The following HAVCR1 variants were observed in gnomAD, a reference collection of about 807,000 sequenced individuals.
HAVCR1 encodes hepatitis A virus cellular receptor 1.
Under a neutral mutation model 32.0 loss-of-function variants are expected in HAVCR1, and 34 were observed. The ratio of observed to expected loss-of-function variants is 1.06; its 90% CI spans 0.81 to 1.42. The LOEUF (loss-of-function observed/expected upper bound fraction) is 1.42, where lower values mean the gene tolerates loss of function less well. Ranked by LOEUF, HAVCR1 falls within the 40% of genes most tolerant of loss-of-function variation. The pLI is 0.00. For synonymous variants in HAVCR1, 178 were observed against 170.3 expected (o/e 1.05, Z -0.35); for missense variants, 420 against 442.3 (o/e 0.95, Z 0.45).
At chr5:157,047,351 A>G (rs375178448) in intron 5 of HAVCR1, among the ~76,000 whole-genome samples, 4 of 152,280 alleles carry the variant, frequency 2.6e-5, no homozygotes, top group African/African-American at 7.2e-5. Context: ...CAGGAGTTCA[A>G]GACCAGCCTG....
At chr5:157,031,021 T>TG (rs1754141246) in intron 8 of HAVCR1, among the ~76,000 whole-genome samples, 1 of 151,222 alleles carries the variant, frequency 6.6e-6, no homozygotes, top group East Asian at 1.9e-4. Flanking sequence ...TTTTTTTTTT[T>TG]GGCTTTTTTT....
chr5:157,046,037 G>A lies in HAVCR1; in HGVS notation c.781+3001C>T, dbSNP rs35238000. ...TATTTTCATTTTGCTTTTGTGCCTG[G>A]AAACAGTTTGCGCTGAGGATTACAC... On this transcript the variant is annotated intron_variant, in intron 5 of 8. Transcript: ENST00000523175. Among the ~76,000 whole-genome samples the A allele has an allele frequency of 6.9e-3, 1,046 of 152,276 alleles. 4 individuals are homozygous for A. Among genetic ancestry groups the A allele is most frequent in the Non-Finnish European group, 0.011 (745 of 68,016 alleles).
upstream of HAVCR1, among the ~76,000 whole-genome samples, chr5:157,061,129 C>T (rs1756481351): frequency 6.6e-6 from 1 of 152,028 alleles, no homozygotes; most frequent in African/African-American, 2.4e-5. Context: ...AACTCCTGGC[C>T]TCAAGTGATA....
At chr5:157,051,766 A>G (rs1033623844) in intron 4 of HAVCR1, among the ~76,000 whole-genome samples, 7 of 152,194 alleles carry the variant, frequency 4.6e-5, no homozygotes, top group African/African-American at 1.2e-4. Context: ...GAGCCACCGC[A>G]CCTGGCTTCT....
chr5:157,053,821 G>T (rs909186749), intron 3 of HAVCR1, among the ~76,000 whole-genome samples: 4 of 147,146 alleles, frequency 2.7e-5, no homozygotes, highest in Non-Finnish European at 1.5e-5. Context: ...AGTGAGCTGA[G>T]ATCGCATCAC....
chr5:157,057,837 T>G, intron 2 of HAVCR1, 61 bp downstream of exon 2: 1 of 997,828 alleles, frequency 1.0e-6, no homozygotes. Context: ...CCCTACCCCA[T>G]TCTCTGGCTT....
At chr5:157,067,463 C>T in the HAVCR1 span, among the ~76,000 whole-genome samples, 1 of 152,108 alleles carries the variant, frequency 6.6e-6, no homozygotes. Flanking sequence ...CAAAAATCAG[C>T]AGCCCAGCCT....
chr5:157,057,315 C>CA lies in HAVCR1; in HGVS notation c.46+582dup, dbSNP rs1367324098. Among the ~76,000 whole-genome samples, 16 of 116,770 alleles carry CA rather than the reference C, an allele frequency of 1.4e-4. 1 individual carries two copies. The highest frequency in any genetic ancestry group is 2.5e-4 in the East Asian group (1 of 4,062). The allele number at this position is 116,770 out of a possible 152,430, so 76.6% of individuals were successfully genotyped here. A position where few individuals can be genotyped will look rare whatever the true frequency, so the allele number is the denominator to read the frequency against. On this transcript the variant is annotated intron_variant, in intron 2 of 8. Coordinates refer to ENST00000523175, the MANE Select transcript of HAVCR1 (RefSeq NM_001173393.3). ...TGGGCGACAGAGTGAGACTCTGTCT[C>CA]AAAAAAAAAAAGATTGCCCTACTGC... is the stretch of plus-strand genomic sequence containing the variant.
At chr5:157,047,219 C>A (rs887815116) in intron 5 of HAVCR1, among the ~76,000 whole-genome samples, 4 of 152,016 alleles carry the variant, frequency 2.6e-5, no homozygotes, top group Non-Finnish European at 5.9e-5. Flanking sequence ...TTCCCTGTGC[C>A]CCTGGGGGAT....
rs1238647856 is a variant in HAVCR1, at chr5:157,052,430, C to G, written c.604G>C (p.Val202Leu). Residue 202 changes from valine to leucine, a missense_variant, in exon 4 of 9, where the codon GTT (valine) becomes CTT (leucine). Val to Leu is a conservative substitution (Grantham distance 32, BLOSUM62 1). Coordinates refer to ENST00000523175, the MANE Select transcript of HAVCR1 (RefSeq NM_001173393.3). ...TTTSIPTTTSVPVTTTVSTFV... is the reference protein window; with the variant it reads ...TTTSIPTTTSLPVTTTVSTFV... Reference sequence around the variant, plus strand: ...GTAGAGACAGTTGTTGTCACTGGAACACTTGTTGTTGTTGGAATGCTCGTT... The same window carrying G: ...GTAGAGACAGTTGTTGTCACTGGAAGACTTGTTGTTGTTGGAATGCTCGTT... 6.2e-7 allele frequency: 1 copy of G among 1,604,086 alleles called. No homozygotes were observed. Among genetic ancestry groups the G allele is most frequent in the Admixed American group, 1.7e-5 (1 of 59,268 alleles).
upstream of HAVCR1, among the ~76,000 whole-genome samples, chr5:157,062,632 T>G (rs1756512301): frequency 6.6e-6 from 1 of 152,124 alleles, no homozygotes; most frequent in East Asian, 1.9e-4. Context: ...GCCTCTATAA[T>G]CCAGACTTCT....
rs554306619 is a variant in HAVCR1 at position 157,042,415 on chromosome 5, C to G, written c.837+212G>C. On this transcript the variant is annotated intron_variant, in intron 6 of 8. Coordinates refer to ENST00000523175, the MANE Select transcript of HAVCR1 (RefSeq NM_001173393.3). ...AGAGATTGCACCACTGCACTCCAGC[C>G]TGGGCAACAGAGCAAGACTCCGTCT... 8.3e-5 allele frequency among the ~76,000 whole-genome samples: 12 copies of G among 144,182 alleles called. No individual in the cohort carries two copies. In the Admixed American group the frequency reaches 8.6e-4, roughly 10 times the overall value. 94.6% of individuals were successfully genotyped at this position (144,182 alleles called of 152,430 possible).
chr5:157,068,117 C>CA, the HAVCR1 span, among the ~76,000 whole-genome samples: 1 of 151,746 alleles, frequency 6.6e-6, no homozygotes, highest in East Asian at 2.0e-4. Context: ...ACTAAAAATA[C>CA]AAAAAAATTA....
rs1755788296 is a variant in HAVCR1, at chr5:157,052,364, G to T, written c.670C>A (p.Pro224Thr). 6.2e-7 allele frequency: 1 copy of T among 1,613,998 alleles called. No homozygotes were observed. Among genetic ancestry groups the T allele is most frequent in the Non-Finnish European group, 8.5e-7 (1 of 1,179,848 alleles). ...PMPLPRQNHE[P>T]VATSPSSPQP... Reference sequence around the variant, plus strand: ...CTTCCAAACACATCTGTTTTACCTGGTTCATGGTTCTGCCTGGGCAAAGGC... The same window carrying T: ...CTTCCAAACACATCTGTTTTACCTGTTTCATGGTTCTGCCTGGGCAAAGGC... Residue 224 changes from proline (P) to threonine (T), a missense_variant, in exon 4 of 9, where the codon CCA becomes ACA. Coordinates refer to ENST00000523175, the MANE Select transcript of HAVCR1 (RefSeq NM_001173393.3).
chr5:157,057,612 C>G (rs1272482988), intron 2 of HAVCR1, among the ~76,000 whole-genome samples: 2 of 152,114 alleles, frequency 1.3e-5, no homozygotes, highest in African/African-American at 2.4e-5. Flanking sequence ...TACATCTAAC[C>G]ACACCCTTTT....
At chr5:157,037,613 A>G (rs1754614717) in intron 6 of HAVCR1, among the ~76,000 whole-genome samples, 1 of 152,252 alleles carries the variant, frequency 6.6e-6, no homozygotes, top group African/African-American at 2.4e-5. Context: ...ACATAGGTGT[A>G]CACATTTGTC....
At chr5:157,044,615 G>GAAAGAGAAAGAA (rs760337335) in intron 5 of HAVCR1, among the ~76,000 whole-genome samples, 137 of 52,648 alleles carry the variant, frequency 2.6e-3, no homozygotes, top group Non-Finnish European at 2.8e-3. Flanking sequence ...AAGAAAGAAA[G>GAAAGAGAAAGAA]AGAAAGAAAG....
intron 8 of HAVCR1, among the ~76,000 whole-genome samples, chr5:157,030,765 A>G (rs1754126510): frequency 6.6e-6 from 1 of 152,204 alleles, no homozygotes; most frequent in Non-Finnish European, 1.5e-5. Flanking sequence ...GTATATAGTG[A>G]CTATTTGTTA....
At position 157,052,313 on chromosome 5, in the gene HAVCR1, C is replaced by G. The variant is rs550928801; in HGVS notation, c.673+48G>C. On this transcript the variant is annotated intron_variant, in intron 4 of 8. Transcript: ENST00000523175. The stretch of plus-strand genomic sequence containing the variant: ...TTGATACAATGCCCTGGATGGTCCG[C>G]AGCTCCTCATTAGAAGGCCTTTGGG... 8.1e-5 allele frequency: 125 copies of G among 1,552,392 alleles called. No individual in the cohort carries two copies. In the East Asian group the frequency reaches 2.8e-3, roughly 34 times the overall value.
Sources: allele counts gnomAD v4.1 joint callset (sites outside exome capture counted in the v4.1 genomes callset), GRCh38; gene constraint gnomAD v4.1.1; transcripts MANE v1.5; gene names NCBI Gene and HGNC (gene_info 2026-07-23, HGNC 2026-07-21).